Variants in ZNF765 observed in about 807,000 individuals in gnomAD.
ZNF765 encodes the protein zinc finger protein 765.
Under a neutral mutation model 44.7 loss-of-function variants are expected in ZNF765, and 37 were observed. That is an observed-to-expected ratio of 0.83 (90% CI 0.64 to 1.09). The LOEUF (loss-of-function observed/expected upper bound fraction) is 1.09, where lower values mean the gene tolerates loss of function less well. Ranked by LOEUF, ZNF765 falls within the 50% of genes least tolerant of loss-of-function variation. ZNF765 has a pLI of 0.00. For synonymous variants in ZNF765, 201 were observed against 213.7 expected, an observed-to-expected ratio of 0.94 and a Z score of 0.52; for missense variants, 594 against 626.1, an observed-to-expected ratio of 0.95 and a Z score of 0.55.
chr19:53,418,579 A>C (rs952881401), intron 3 of ZNF765, among the ~76,000 whole-genome samples: 3 of 152,054 alleles, frequency 2.0e-5, no homozygotes, highest in African/African-American at 7.2e-5. Context: ...CAGGTAGAGT[A>C]TGGAATAGAA....
Position 53,409,514 on chromosome 19 carries a change from T to G in ZNF765, c.*387T>G, listed in dbSNP as rs149096435. ...TCATCCCTTACATGCCATTGTAGACTTCGTACTGGAGAGAAACCTTACAAA... is the reference window on the plus strand; with the variant it reads ...TCATCCCTTACATGCCATTGTAGACGTCGTACTGGAGAGAAACCTTACAAA... On this transcript the variant is annotated 3_prime_UTR_variant, in exon 4 of 4. Transcript: ENST00000396408. The G allele has an allele frequency of 5.9e-4, 622 of 1,062,170 alleles. 8 individuals are homozygous for G. The African/African-American group carries it at 8.8e-3, about 15-fold the overall frequency. 65.8% of individuals were successfully genotyped at this position (1,062,170 alleles called of 1,614,324 possible). A position where few individuals can be genotyped will look rare whatever the true frequency, so the allele number is the denominator to read the frequency against.
chr19:53,407,782 G>A lies in ZNF765; in HGVS notation c.227G>A (p.Arg76Lys), dbSNP rs536715792. The A allele has an allele frequency of 1.2e-6, 2 of 1,611,210 alleles. No individual in the cohort carries two copies. The highest frequency in any genetic ancestry group is 2.7e-5 in the African/African-American group (2 of 74,772). The change falls in exon 4 of 4, where the codon AGA (arginine) becomes AAA (lysine). Residue 76 changes from arginine to lysine, a missense_variant. Physicochemically the swap from Arg to Lys is conservative, Grantham distance 26. Around this residue, in one of 2 missense-constraint regions of ZNF765, gnomAD observed 567 missense variants for 572.6 expected, o/e 0.99. Transcript: ENST00000396408. Reference sequence around the variant, plus strand: ...GTGTTCCATGCAGGGACATCTCAAAGACATGAAAGTCATCACAATGGAGAT... The same window carrying A: ...GTGTTCCATGCAGGGACATCTCAAAAACATGAAAGTCATCACAATGGAGAT... ...REVFHAGTSQ[R>K]HESHHNGDFC...
chr19:53,399,130 A>G (rs2085698013), intron 2 of ZNF765, among the ~76,000 whole-genome samples: 1 of 151,700 alleles, frequency 6.6e-6, no homozygotes. Flanking sequence ...ACATGTGCAC[A>G]ATGTGCAGGT....
At chr19:53,415,938 C>A (rs923086985), downstream of ZNF765, among the ~76,000 whole-genome samples, 1 of 122,412 alleles carries the variant, frequency 8.2e-6, no homozygotes, top group Non-Finnish European at 1.8e-5. Context: ...AGATAACTTT[C>A]TTTTGTTTTG....
chr19:53,403,552 TCAAA>T (rs887723470), intron 3 of ZNF765, among the ~76,000 whole-genome samples: 6 of 152,132 alleles, frequency 3.9e-5, no homozygotes, highest in South Asian at 2.1e-4. Flanking sequence ...CCTTTCAGGC[TCAAA>T]CAATTTTTGT....
chr19:53,408,693 G>T lies in ZNF765; in HGVS notation c.1138G>T (p.Glu380Ter), dbSNP rs756082604. Residue 380 changes from glutamate (E) to a stop codon, truncating the protein, a stop_gained, in exon 4 of 4, where the codon GAG becomes TAG. Coordinates refer to ENST00000396408, the MANE Select transcript of ZNF765 (RefSeq NM_001040185.3). LOFTEE classifies it high-confidence loss of function. Reference protein sequence around the residue: ...FTCHHRVHTGEKPYKCNECSK... With the variant: ...FTCHHRVHTG ...ATGCCATCATAGAGTTCATACTGGA[G>T]AGAAACCTTACAAGTGTAATGAGTG... 2.6e-6 allele frequency: 4 copies of T among 1,531,852 alleles called. No homozygotes were observed. The highest frequency in any genetic ancestry group is 3.5e-6 in the Non-Finnish European group (4 of 1,128,202). The allele number at this position is 1,531,852 out of a possible 1,614,324, so 94.9% of individuals were successfully genotyped here.
chr19:53,422,575 TTTAC>T lies in ZNF765; in HGVS notation c.143-483_143-480del, dbSNP rs552976658. 2.0e-3 allele frequency among the ~76,000 whole-genome samples: 304 copies of T among 152,256 alleles called. 1 individual carries two copies. The highest frequency in any genetic ancestry group is 3.0e-3 in the Non-Finnish European group (205 of 68,016). ...TTATTTTTATTTTTATTTTTATATA[TTTAC>T]TTATTTATTTATTTTGAGACGGTGT... is the stretch of plus-strand genomic sequence containing the variant. On this transcript the variant is annotated intron_variant, in intron 3 of 3. Coordinates refer to the ZNF765 transcript ENST00000594030.
At chr19:53,417,324 C>G (rs1444737738) in intron 3 of ZNF765, among the ~76,000 whole-genome samples, 1 of 152,004 alleles carries the variant, frequency 6.6e-6, no homozygotes, top group Non-Finnish European at 1.5e-5. Context: ...TTGTTCCCCT[C>G]TATGTATCTG....
downstream of ZNF765, among the ~76,000 whole-genome samples, chr19:53,413,930 C>CAAA (rs386389261): frequency 0.3 from 23,515 of 79,420 alleles, 4,575 homozygotes; most frequent in Non-Finnish European, 0.33. Flanking sequence ...GCTAGAAAGA[C>CAAA]AAAAAAAAAA....
chr19:53,396,343 G>C (rs1030561398), intron 1 of ZNF765, among the ~76,000 whole-genome samples: 5 of 152,284 alleles, frequency 3.3e-5, no homozygotes, highest in African/African-American at 9.6e-5. Flanking sequence ...ACCGGTATGC[G>C]GGAGACAGAA....
chr19:53,407,943 T>G lies in ZNF765; in HGVS notation c.388T>G (p.Tyr130Asp). 6.2e-7 allele frequency: 1 copy of G among 1,614,182 alleles called. No homozygotes were observed. The highest frequency in any genetic ancestry group is 8.5e-7 in the Non-Finnish European group (1 of 1,180,028). The change falls in exon 4 of 4, where the codon TAT (tyrosine) becomes GAT (aspartate). Residue 130 changes from tyrosine (Y) to aspartate (D), a missense_variant. Around this residue, in one of 2 missense-constraint regions of ZNF765, gnomAD observed 567 missense variants for 572.6 expected, o/e 0.99. Coordinates refer to ENST00000396408, the MANE Select transcript of ZNF765 (RefSeq NM_001040185.3). Reference protein sequence around the residue: ...TGSTERYDQNYAGNKPVKYQL... With the variant: ...TGSTERYDQNDAGNKPVKYQL... ...TAGTACAGAGCGATATGATCAAAAT[T>G]ATGCTGGAAACAAGCCTGTTAAATA...
In ZNF765 at chr19:53,408,415, C is replaced by T. The variant is rs765753626; in HGVS notation, c.860C>T (p.Thr287Ile). 51 of 1,614,018 alleles carry T rather than the reference C, an allele frequency of 3.2e-5. No homozygotes were observed. Among genetic ancestry groups the T allele is most frequent in the Non-Finnish European group, 4.2e-5 (50 of 1,179,968 alleles). ...ACCTTCAGTCAGACATATTACCTAA[C>T]ATGCCATCGTAGACTTCATACTGGA... ...GKTFSQTYYLTCHRRLHTGEK... is the reference protein window; with the variant it reads ...GKTFSQTYYLICHRRLHTGEK... Residue 287 changes from threonine (T) to isoleucine (I), a missense_variant, in exon 4 of 4, where the codon ACA becomes ATA. Coordinates refer to ENST00000396408, the MANE Select transcript of ZNF765 (RefSeq NM_001040185.3).
In ZNF765 at chr19:53,410,631, C is replaced by A. The variant is rs1427471311; in HGVS notation, c.*1504C>A. The stretch of plus-strand genomic sequence containing the variant: ...ACAAAGTCTTCAGTTACACTACAAC[C>A]ATTGCGAATCATTGGAGAATCCATA... On this transcript the variant is annotated 3_prime_UTR_variant, in exon 4 of 4. Transcript: ENST00000396408. 1 of 477,372 alleles carries A rather than the reference C, an allele frequency of 2.1e-6. No homozygotes were observed. The highest frequency in any genetic ancestry group is 1.6e-5 in the South Asian group (1 of 61,654). 29.6% of individuals were successfully genotyped at this position (477,372 alleles called of 1,614,324 possible).
At chr19:53,415,920 A>G (rs1460565947), downstream of ZNF765, among the ~76,000 whole-genome samples, 2 of 150,934 alleles carry the variant, frequency 1.3e-5, no homozygotes, top group Non-Finnish European at 2.9e-5. Context: ...ACCCACCCAG[A>G]TAATCCAAGA....
chr19:53,401,525 T>C (rs887005205), intron 2 of ZNF765, among the ~76,000 whole-genome samples: 9 of 149,462 alleles, frequency 6.0e-5, no homozygotes, highest in African/African-American at 2.0e-4. Flanking sequence ...ATCGCGCCAC[T>C]GTACTCCAGC....
downstream of ZNF765, among the ~76,000 whole-genome samples, chr19:53,414,417 A>G (rs2085857642): frequency 9.9e-6 from 1 of 101,348 alleles, no homozygotes; most frequent in African/African-American, 3.5e-5. Context: ...GGGATATAGG[A>G]TGGACTGACC....
chr19:53,399,412 C>G (rs1396732707), intron 2 of ZNF765, among the ~76,000 whole-genome samples: 1 of 152,046 alleles, frequency 6.6e-6, no homozygotes, highest in Non-Finnish European at 1.5e-5. Context: ...TGGGGAGTCA[C>G]CACTGTCAGT....
chr19:53,397,813 G>A lies in ZNF765; in HGVS notation c.-73-130G>A, dbSNP rs750878591. ...GGGAGTTTTCCTGTAGGAGTTTATT[G>A]TCCCTGGTGTGGTCGGCAGCATAGG... is the stretch of plus-strand genomic sequence containing the variant. On this transcript the variant is annotated intron_variant, in intron 1 of 3. Transcript: ENST00000396408. 4 of 935,788 alleles carry A rather than the reference G, an allele frequency of 4.3e-6. No individual in the cohort carries two copies. The Admixed American group carries it at 8.7e-5, about 20-fold the overall frequency. 58.0% of individuals were successfully genotyped at this position (935,788 alleles called of 1,614,324 possible).
downstream of ZNF765, among the ~76,000 whole-genome samples, chr19:53,413,792 G>T (rs1047950227): frequency 5.3e-5 from 8 of 151,628 alleles, no homozygotes; most frequent in African/African-American, 1.9e-4. Flanking sequence ...AACAATGTCA[G>T]TGTGTCAAAG....
Sources: gnomAD v4.1 joint callset for allele counts (sites outside exome capture counted in the v4.1 genomes callset) on GRCh38, gnomAD v4.1.1 for gene constraint, gnomAD v4.1.1 regional missense constraint, MANE v1.5 for transcripts, NCBI Gene and HGNC (gene_info 2026-07-23, HGNC 2026-07-21) for gene names.